ABCG8: variants seen among roughly 807,000 people sequenced by gnomAD.
ABCG8 encodes the protein ATP-binding cassette sub-family G member 8.
Under a neutral mutation model 71.3 loss-of-function variants are expected in ABCG8, and 81 were observed. The ratio of observed to expected loss-of-function variants is 1.14; its 90% CI spans 0.95 to 1.37. ABCG8 has a LOEUF of 1.37. ABCG8 is among the 40% of genes most tolerant of loss of function. The pLI, the probability that ABCG8 is intolerant of heterozygous loss-of-function variation, is 0.00. For synonymous variants in ABCG8, 451 were observed against 354.7 expected (o/e 1.27, Z -3.05); for missense variants, 1,119 against 866.2 (o/e 1.29, Z -3.66).
At position 43,851,815 on chromosome 2, in the gene ABCG8, A is replaced by T; in HGVS notation, c.554A>T (p.Asp185Val). 1 of 1,614,162 alleles carries T rather than the reference A, an allele frequency of 6.2e-7. No homozygotes were observed. Among genetic ancestry groups the T allele is most frequent in the Non-Finnish European group, 8.5e-7 (1 of 1,180,028 alleles). Residue 185 changes from aspartate (D) to valine (V), a missense_variant, in exon 4 of 13, where the codon GAC becomes GTC. Coordinates refer to ENST00000272286, the MANE Select transcript of ABCG8 (RefSeq NM_022437.3). Reference sequence around the variant, plus strand: ...AGAACCTTCTCCCAGGCCCAGCGTGACAAAAGGGTAACTAACTGGCCCCAG... The same window carrying T: ...AGAACCTTCTCCCAGGCCCAGCGTGTCAAAAGGGTAACTAACTGGCCCCAG... ...LPRTFSQAQRDKRVEDVIAEL... is the reference protein window; with the variant it reads ...LPRTFSQAQRVKRVEDVIAEL...
At chr2:43,853,062 G>C (rs1331801441) in intron 6 of ABCG8, among the ~76,000 whole-genome samples, 194 bp downstream of exon 6, 1 of 152,112 alleles carries the variant, frequency 6.6e-6, no homozygotes, top group Non-Finnish European at 1.5e-5. Context: ...GGAAATAGAA[G>C]CTTCTGACAA....
chr2:43,862,676 T>C (rs72796787), intron 6 of ABCG8, among the ~76,000 whole-genome samples: 7,753 of 151,416 alleles, frequency 0.051, 235 homozygotes, highest in Middle Eastern at 0.1. Flanking sequence ...AATAGAATTC[T>C]CACTCTCTGG....
intron 6 of ABCG8, among the ~76,000 whole-genome samples, chr2:43,870,799 ACTAT>A (rs1229057050): frequency 6.8e-6 from 1 of 147,582 alleles, no homozygotes; most frequent in African/African-American, 2.6e-5. Context: ...ATAGAATCTC[ACTAT>A]CTAGATAGAA....
rs113337352 is a variant in ABCG8, at chr2:43,851,494, G to A, written c.323-90G>A. 93 of 1,427,324 alleles carry A rather than the reference G, an allele frequency of 6.5e-5. No homozygotes were observed. In the East Asian group the frequency reaches 7.3e-4, roughly 11 times the overall value. 88.4% of individuals were successfully genotyped at this position (1,427,324 alleles called of 1,614,324 possible). A position where few individuals can be genotyped will look rare whatever the true frequency, so the allele number is the denominator to read the frequency against. On this transcript the variant is annotated intron_variant, in intron 3 of 12. Transcript: ENST00000272286. ...CACATCTGCACGGACAGAGTAGTCC[G>A]GGGTCCTGGAGAGTGTATGGGGAGC...
At chr2:43,853,905 C>T (rs1296661478) in intron 6 of ABCG8, among the ~76,000 whole-genome samples, 2 of 152,148 alleles carry the variant, frequency 1.3e-5, no homozygotes, top group Admixed American at 1.3e-4. Flanking sequence ...CCGCCCCTTG[C>T]CCTCTGTACT....
chr2:43,846,027 T>G, intron 2 of ABCG8, 128 bp from the exon 3 acceptor site: 2 of 949,822 alleles, frequency 2.1e-6, no homozygotes, highest in Non-Finnish European at 3.4e-6. Flanking sequence ...TTGGGGCCTA[T>G]TGTGTGTAGG....
chr2:43,854,900 C>T (rs951303463), intron 6 of ABCG8, among the ~76,000 whole-genome samples: 3 of 152,148 alleles, frequency 2.0e-5, no homozygotes. Context: ...AGGTTAGCAT[C>T]CCTGGGATTT....
chr2:43,851,943 T>C (rs1033108119), intron 4 of ABCG8, 121 bp downstream of exon 4: 10 of 1,163,090 alleles, frequency 8.6e-6, no homozygotes, highest in South Asian at 1.2e-5. Context: ...CAACTCAGCT[T>C]GCCTTCCGCC....
intron 6 of ABCG8, among the ~76,000 whole-genome samples, chr2:43,862,014 C>T (rs1370732863): frequency 6.6e-6 from 1 of 151,386 alleles, no homozygotes; most frequent in Non-Finnish European, 1.5e-5. Context: ...ATAGAACTCT[C>T]GCTATCTGTC....
chr2:43,852,216 G>A (rs1416606119), intron 4 of ABCG8, 138 bp from the exon 5 acceptor site: 8 of 1,208,234 alleles, frequency 6.6e-6, no homozygotes, highest in Non-Finnish European at 9.6e-6. Flanking sequence ...GTTGCAGCTT[G>A]GAACTCAAGT....
At chr2:43,854,203 G>T (rs1572838080) in intron 6 of ABCG8, among the ~76,000 whole-genome samples, 1 of 152,224 alleles carries the variant, frequency 6.6e-6, no homozygotes, top group Non-Finnish European at 1.5e-5. Context: ...AACCTGGGAT[G>T]CAAGAGCTAC....
At chr2:43,853,702 G>A (rs1258689300) in intron 6 of ABCG8, among the ~76,000 whole-genome samples, 3 of 152,214 alleles carry the variant, frequency 2.0e-5, no homozygotes, top group African/African-American at 4.8e-5. Context: ...TCAAGCCCCG[G>A]CCAGGCCAAG....
chr2:43,867,719 G>A (rs778985533), intron 6 of ABCG8, among the ~76,000 whole-genome samples: 1 of 136,482 alleles, frequency 7.3e-6, no homozygotes, highest in Non-Finnish European at 1.6e-5. Context: ...AGAACTCTCC[G>A]TATCAATCTG....
intron 6 of ABCG8, among the ~76,000 whole-genome samples, chr2:43,866,203 A>C (rs1325331905): frequency 6.6e-6 from 1 of 151,856 alleles, no homozygotes; most frequent in Non-Finnish European, 1.5e-5. Context: ...TTCAAGATGG[A>C]TTAAAGAGTT....
chr2:43,856,630 C>T (rs1217794594), intron 6 of ABCG8, among the ~76,000 whole-genome samples: 2 of 146,980 alleles, frequency 1.4e-5, no homozygotes, highest in Non-Finnish European at 3.0e-5. Flanking sequence ...ACTCTCTATC[C>T]GGATAGAATT....
chr2:43,849,971 A>G (rs1181390580), intron 3 of ABCG8, among the ~76,000 whole-genome samples: 2 of 152,080 alleles, frequency 1.3e-5, no homozygotes, highest in South Asian at 2.1e-4. Flanking sequence ...AGGCCGAGGC[A>G]GGCGGATCAC....
At chr2:43,862,667 A>G (rs1669368880) in intron 6 of ABCG8, among the ~76,000 whole-genome samples, 1 of 144,458 alleles carries the variant, frequency 6.9e-6, no homozygotes, top group Non-Finnish European at 1.5e-5. Flanking sequence ...ACTGGATAGA[A>G]TAGAATTCTC....
At chr2:43,865,096 C>T (rs904573539) in intron 6 of ABCG8, among the ~76,000 whole-genome samples, 4 of 151,008 alleles carry the variant, frequency 2.6e-5, no homozygotes, top group South Asian at 2.1e-4. Context: ...TTCTCACCCT[C>T]TGGATAGAAC....
chr2:43,849,300 C>G (rs1023905845), intron 3 of ABCG8, among the ~76,000 whole-genome samples: 1 of 151,996 alleles, frequency 6.6e-6, no homozygotes, highest in African/African-American at 2.4e-5. Context: ...TTCCTCATGG[C>G]TGGGGAGGCC....
Sources: gnomAD v4.1 joint callset for allele counts (sites outside exome capture counted in the v4.1 genomes callset) on GRCh38, gnomAD v4.1.1 for gene constraint, MANE v1.5 for transcripts, NCBI Gene and HGNC (gene_info 2026-07-23, HGNC 2026-07-21) for gene names.